The following MBOAT2 variants were observed in gnomAD, a reference collection of about 807,000 sequenced individuals.
MBOAT2 encodes membrane-bound glycerophospholipid O-acyltransferase 2.
Under a neutral mutation model 63.4 loss-of-function variants are expected in MBOAT2, and 28 were observed. The ratio of observed to expected loss-of-function variants is 0.44; its 90% CI spans 0.33 to 0.61. The LOEUF is 0.61. Among genes scored for constraint, MBOAT2 ranks in the 20% least tolerant of loss-of-function variants. The probability of loss-of-function intolerance (pLI) is 0.03; values close to 1 mark genes in which losing one functional copy is unlikely to be tolerated. For synonymous variants in MBOAT2, 211 were observed against 215.6 expected (o/e 0.98, Z 0.19); for missense variants, 470 against 605.8 (o/e 0.78, Z 2.35).
rs916942035 is a variant in MBOAT2, at chr2:8,862,489, C to T, written c.1185+101G>A. ...CTAGTGGAAAGGACAATACTGACCA[C>T]GACCAAGGAAAGAGGGTCTACCTTG... On this transcript the variant is annotated intron_variant, in intron 11 of 12. Transcript: ENST00000305997. The surrounding 1 kb of genome is among the most constrained non-coding windows in gnomAD (Gnocchi z 4.3). 73 of 1,451,336 alleles carry T rather than the reference C, an allele frequency of 5.0e-5. No homozygotes were observed. Among genetic ancestry groups the T allele is most frequent in the Admixed American group, 2.4e-4 (12 of 49,246 alleles). The allele number at this position is 1,451,336 out of a possible 1,614,324, so 89.9% of individuals were successfully genotyped here. A position where few individuals can be genotyped will look rare whatever the true frequency, so the allele number is the denominator to read the frequency against.
chr2:8,888,278 G>C (rs1303307087), intron 4 of MBOAT2, among the ~76,000 whole-genome samples: 3 of 152,090 alleles, frequency 2.0e-5, no homozygotes, highest in Admixed American at 6.6e-5. Context: ...GACTTTCTCC[G>C]AGGCTTCAAA....
intron 3 of MBOAT2, among the ~76,000 whole-genome samples, chr2:8,932,847 C>A (rs1391380953): frequency 6.6e-6 from 1 of 152,032 alleles, no homozygotes; most frequent in Non-Finnish European, 1.5e-5. Flanking sequence ...TTCTATTAAA[C>A]CATACTCTTT....
At chr2:8,904,592 T>G (rs1162925506) in intron 4 of MBOAT2, among the ~76,000 whole-genome samples, 1 of 152,194 alleles carries the variant, frequency 6.6e-6, no homozygotes, top group Non-Finnish European at 1.5e-5. Flanking sequence ...ATTACAGGTG[T>G]GAGCCACTGC....
At chr2:8,867,061 CT>C (rs372529326) in intron 9 of MBOAT2, among the ~76,000 whole-genome samples, 9 of 148,950 alleles carry the variant, frequency 6.0e-5, no homozygotes, top group African/African-American at 7.4e-5. Flanking sequence ...CAATGGTTTT[CT>C]TTTTTTTTTG....
chr2:8,972,561 T>C lies in MBOAT2; in HGVS notation c.76-13919A>G, dbSNP rs571625551. Among the ~76,000 whole-genome samples the C allele has an allele frequency of 1.4e-3, 206 of 152,226 alleles. 1 individual carries two copies. The highest frequency in any genetic ancestry group is 4.8e-3 in the African/African-American group (198 of 41,528). ...AGAGCTTCTGCACAGCAAAAGAAAC[T>C]ACCATCAGAGTGAACAGGCAACCTA... On this transcript the variant is annotated intron_variant, in intron 1 of 12. Coordinates refer to ENST00000305997, the MANE Select transcript of MBOAT2 (RefSeq NM_138799.4).
At chr2:8,874,347 C>T (rs1218683859) in intron 7 of MBOAT2, among the ~76,000 whole-genome samples, 5 of 152,176 alleles carry the variant, frequency 3.3e-5, no homozygotes, top group Non-Finnish European at 5.9e-5. Flanking sequence ...AATAAGGCTA[C>T]TCTTTCTTCA....
chr2:8,990,362 T>C (rs963644458), intron 1 of MBOAT2, among the ~76,000 whole-genome samples: 3 of 152,176 alleles, frequency 2.0e-5, no homozygotes, highest in Non-Finnish European at 4.4e-5. Context: ...TTTCTAGTGG[T>C]TCCTGCTTTC....
At chr2:8,879,679 C>T (rs1003463976) in intron 6 of MBOAT2, among the ~76,000 whole-genome samples, 4 of 152,092 alleles carry the variant, frequency 2.6e-5, no homozygotes, top group Non-Finnish European at 5.9e-5. Flanking sequence ...ACGCCAGTAG[C>T]ACCACCCGCC....
chr2:8,921,641 T>C (rs1416836118), intron 3 of MBOAT2, among the ~76,000 whole-genome samples: 2 of 152,200 alleles, frequency 1.3e-5, no homozygotes, highest in Non-Finnish European at 2.9e-5. Flanking sequence ...TACTAAACCT[T>C]CATTCTTGAA....
rs188833800 is a variant in MBOAT2, at chr2:8,873,439, C to T, written c.691-139G>A. 4.8e-4 allele frequency: 406 copies of T among 845,944 alleles called. 1 individual carries two copies. The highest frequency in any genetic ancestry group is 4.5e-3 in the African/African-American group (261 of 58,476). The allele number at this position is 845,944 out of a possible 1,614,324, so 52.4% of individuals were successfully genotyped here. A position where few individuals can be genotyped will look rare whatever the true frequency, so the allele number is the denominator to read the frequency against. On this transcript the variant is annotated intron_variant, in intron 7 of 12. Transcript: ENST00000305997. The stretch of plus-strand genomic sequence containing the variant: ...TGGTCAAAATTCAAGAGCTACATTG[C>T]ACTTGGCATTTAAAGTCTTCCATGG...
intron 2 of MBOAT2, among the ~76,000 whole-genome samples, chr2:8,957,269 T>C (rs1023020520): frequency 6.6e-6 from 1 of 152,190 alleles, no homozygotes; most frequent in Non-Finnish European, 1.5e-5. Context: ...TGGCATGATT[T>C]ATGAAAAGTT....
At chr2:8,887,825 A>G (rs939448799) in intron 5 of MBOAT2, among the ~76,000 whole-genome samples, 193 bp downstream of exon 5, 1 of 152,230 alleles carries the variant, frequency 6.6e-6, no homozygotes, top group African/African-American at 2.4e-5. Context: ...TGAATTCAAA[A>G]CGAAGATAAA....
At chr2:8,898,806 G>C (rs1275570900) in intron 4 of MBOAT2, among the ~76,000 whole-genome samples, 1 of 152,222 alleles carries the variant, frequency 6.6e-6, no homozygotes, top group Non-Finnish European at 1.5e-5. Flanking sequence ...AGGCATCCTT[G>C]AGGTCCAGAA....
intron 3 of MBOAT2, among the ~76,000 whole-genome samples, chr2:8,924,577 C>T (rs1004172756): frequency 1.3e-5 from 2 of 152,052 alleles, no homozygotes; most frequent in African/African-American, 4.8e-5. Context: ...AAAGGAGCTT[C>T]GATGTATTCA....
intron 1 of MBOAT2, among the ~76,000 whole-genome samples, chr2:8,997,987 T>C (rs1462870443): frequency 6.6e-6 from 1 of 152,218 alleles, no homozygotes; most frequent in African/African-American, 2.4e-5. Flanking sequence ...ATTGAAAACA[T>C]CTTCAAAATT....
intron 3 of MBOAT2, among the ~76,000 whole-genome samples, chr2:8,931,547 C>G (rs1487666251): frequency 6.6e-6 from 1 of 152,160 alleles, no homozygotes; most frequent in East Asian, 1.9e-4. Flanking sequence ...GGACTGTTCA[C>G]TCTGATGAGT....
chr2:8,985,522 T>C (rs1671506970), intron 1 of MBOAT2, among the ~76,000 whole-genome samples: 1 of 152,168 alleles, frequency 6.6e-6, no homozygotes, highest in South Asian at 2.1e-4. Flanking sequence ...AAACCTTTCA[T>C]ATCCACCCTT....
chr2:8,860,136 G>A (rs912417048), intron 12 of MBOAT2, among the ~76,000 whole-genome samples: 4 of 151,810 alleles, frequency 2.6e-5, no homozygotes, highest in African/African-American at 4.8e-5. Flanking sequence ...GCAGTGAGCC[G>A]AGCGAGATTG....
chr2:8,973,166 A>G lies in MBOAT2; in HGVS notation c.76-14524T>C, dbSNP rs375632800. ...TGGATTAAGAAAATGTGGCACATAT[A>G]CACCATGGAATACTATGCAGCCATA... On this transcript the variant is annotated intron_variant, in intron 1 of 12. Coordinates refer to ENST00000305997, the MANE Select transcript of MBOAT2 (RefSeq NM_138799.4). Among the ~76,000 whole-genome samples, 13 of 152,334 alleles carry G rather than the reference A, an allele frequency of 8.5e-5. No individual in the cohort carries two copies. The East Asian group carries it at 1.9e-3, about 23-fold the overall frequency.
Sources: gnomAD v4.1 joint callset for allele counts (sites outside exome capture counted in the v4.1 genomes callset) on GRCh38, gnomAD v4.1.1 for gene constraint, Gnocchi (gnomAD v3.1) non-coding constraint, MANE v1.5 for transcripts, NCBI Gene and HGNC (gene_info 2026-07-23, HGNC 2026-07-21) for gene names.